The following ADARB2 variants were observed in gnomAD, a reference collection of about 807,000 sequenced individuals.
The protein encoded by ADARB2 is inactive double-stranded RNA-specific editase B2.
In ADARB2, 25 loss-of-function variants were observed where a neutral mutation model predicts 62.2. The ratio of observed to expected loss-of-function variants is 0.40; its 90% confidence interval spans 0.29 to 0.56. The LOEUF (loss-of-function observed/expected upper bound fraction) is 0.56, where lower values mean the gene tolerates loss of function less well. Among genes scored for constraint, ADARB2 ranks in the 20% least tolerant of loss-of-function variants. The probability of loss-of-function intolerance (pLI) is 0.43; values close to 1 mark genes in which losing one functional copy is unlikely to be tolerated. For missense variants in ADARB2, 1,071 were observed against 1,077.4 expected (o/e 0.99, Z 0.08); for synonymous variants, 572 against 500.8 (o/e 1.14, Z -1.90).
chr10:1,523,549 C>T lies in ADARB2; in HGVS notation c.101-144389G>A, dbSNP rs781494397. On this transcript the variant is annotated intron_variant, in intron 1 of 9. Coordinates refer to ENST00000381312, the MANE Select transcript of ADARB2 (RefSeq NM_018702.4). ...ACCTCGGTCTCATTCATCTCTATCA[C>T]GAGTTTCTGCATTTTGACCATGAGC... Among the ~76,000 whole-genome samples the T allele has an allele frequency of 4.6e-5, 7 of 152,334 alleles. 1 individual carries two copies. The highest frequency in any genetic ancestry group is 3.9e-4 in the East Asian group (2 of 5,188).
chr10:1,718,995 T>C (rs1049552905), intron 1 of ADARB2, among the ~76,000 whole-genome samples: 3 of 152,166 alleles, frequency 2.0e-5, no homozygotes. Context: ...TTGTTGTTGT[T>C]TTTTGAGACG....
At chr10:1,332,944 G>C (rs990884992) in intron 3 of ADARB2, among the ~76,000 whole-genome samples, 6 of 152,186 alleles carry the variant, frequency 3.9e-5, no homozygotes, top group African/African-American at 9.7e-5. Flanking sequence ...CAATCAATGG[G>C]AGAGACAACT....
intron 1 of ADARB2, among the ~76,000 whole-genome samples, chr10:1,554,091 C>T (rs1832667552): frequency 6.6e-6 from 1 of 152,164 alleles, no homozygotes; most frequent in South Asian, 2.1e-4. Context: ...GGGTCTGAGT[C>T]CCCCTGGGTC....
chr10:1,408,452 C>T (rs1832726176), intron 1 of ADARB2, among the ~76,000 whole-genome samples: 1 of 152,184 alleles, frequency 6.6e-6, no homozygotes, highest in African/African-American at 2.4e-5. Context: ...TCTTTCAGTT[C>T]ACACTCTTAG....
rs766903552 is a variant in ADARB2 at position 1,178,872 on chromosome 10, G to A, written c.*4321C>T. On this transcript the variant is annotated 3_prime_UTR_variant, in exon 10 of 10. Coordinates refer to ENST00000381312, the MANE Select transcript of ADARB2 (RefSeq NM_018702.4). ...CACCGGGTTCTGTTGGGTGTTATGA[G>A]AGGCGGCTGCAGCGATCCAACGGTA... 24 of 152,212 alleles carry A rather than the reference G, an allele frequency of 1.6e-4. No homozygotes were observed. Among genetic ancestry groups the A allele is most frequent in the Non-Finnish European group, 2.2e-4 (15 of 68,036 alleles). 9.4% of individuals were successfully genotyped at this position (152,212 alleles called of 1,614,324 possible). A position where few individuals can be genotyped will look rare whatever the true frequency, so the allele number is the denominator to read the frequency against.
chr10:1,286,776 T>A (rs940678332), intron 3 of ADARB2, among the ~76,000 whole-genome samples: 1 of 152,096 alleles, frequency 6.6e-6, no homozygotes, highest in African/African-American at 2.4e-5. Flanking sequence ...CCTGCACTCG[T>A]CTCTTCCGTA....
At chr10:1,734,004 T>C (rs990298981) in intron 1 of ADARB2, among the ~76,000 whole-genome samples, 2 of 103,382 alleles carry the variant, frequency 1.9e-5, no homozygotes, top group Non-Finnish European at 4.6e-5. Flanking sequence ...GTCCTTCTCA[T>C]AGTTTTTTTT....
intron 1 of ADARB2, among the ~76,000 whole-genome samples, chr10:1,618,208 C>T (rs1015237727): frequency 6.6e-6 from 1 of 152,166 alleles, no homozygotes; most frequent in Admixed American, 6.5e-5. Context: ...GAAGAGCAGG[C>T]TTGTTTATGA....
chr10:1,271,575 A>G (rs572115139), intron 3 of ADARB2, among the ~76,000 whole-genome samples: 42 of 152,298 alleles, frequency 2.8e-4, no homozygotes, highest in African/African-American at 1.0e-3. Context: ...GCACACATTC[A>G]CATGCAACAC....
chr10:1,437,337 G>T (rs1426802302), intron 1 of ADARB2, among the ~76,000 whole-genome samples: 1 of 152,002 alleles, frequency 6.6e-6, no homozygotes, highest in East Asian at 1.9e-4. Flanking sequence ...CGTAAAGTTA[G>T]TTGTAGCTTA....
chr10:1,390,817 C>A (rs921102558), intron 1 of ADARB2, among the ~76,000 whole-genome samples: 2 of 152,180 alleles, frequency 1.3e-5, no homozygotes, highest in Admixed American at 1.3e-4. Flanking sequence ...CAGTGAGGGG[C>A]AAACAAGAGC....
At chr10:1,655,890 C>A (rs970433055) in intron 1 of ADARB2, among the ~76,000 whole-genome samples, 4 of 152,162 alleles carry the variant, frequency 2.6e-5, no homozygotes, top group African/African-American at 2.4e-5. Flanking sequence ...TTCATGTTTA[C>A]ATTACAAAAG....
chr10:1,538,970 A>C (rs892615316), intron 1 of ADARB2, among the ~76,000 whole-genome samples: 1 of 152,186 alleles, frequency 6.6e-6, no homozygotes, highest in Admixed American at 6.5e-5. Flanking sequence ...TGCAGGCGTC[A>C]TTCTCACGAC....
intron 1 of ADARB2, among the ~76,000 whole-genome samples, chr10:1,641,986 C>T (rs942829437): frequency 2.6e-5 from 4 of 151,420 alleles, no homozygotes; most frequent in African/African-American, 9.7e-5. Flanking sequence ...GCACTCCAGC[C>T]TGGGCTACAG....
intron 4 of ADARB2, among the ~76,000 whole-genome samples, chr10:1,264,269 T>C (rs1831172114): frequency 6.6e-6 from 1 of 152,224 alleles, no homozygotes; most frequent in Admixed American, 6.5e-5. Flanking sequence ...CATGCCCGAC[T>C]GGATGCAAAT....
chr10:1,399,248 G>A (rs80101160), intron 1 of ADARB2, among the ~76,000 whole-genome samples: 3,330 of 152,168 alleles, frequency 0.022, 48 homozygotes, highest in South Asian at 0.059. Flanking sequence ...ATAGTTCATG[G>A]GTAACAAGGA....
chr10:1,260,098 C>G (rs182571820), intron 4 of ADARB2, among the ~76,000 whole-genome samples: 1 of 140,684 alleles, frequency 7.1e-6, no homozygotes, highest in Non-Finnish European at 1.6e-5. Flanking sequence ...CAAAATTAAA[C>G]AACCCTTCAT....
intron 1 of ADARB2, among the ~76,000 whole-genome samples, chr10:1,673,309 AT>A (rs1834416235): frequency 1.1e-5 from 1 of 93,588 alleles, no homozygotes; most frequent in Admixed American, 1.2e-4. Flanking sequence ...TGTAGATTTC[AT>A]TTTATGTGTG....
chr10:1,715,008 C>T (rs1035734892), intron 1 of ADARB2, among the ~76,000 whole-genome samples: 1 of 136,874 alleles, frequency 7.3e-6, no homozygotes, highest in Non-Finnish European at 1.6e-5. Context: ...CCCCCTCCCC[C>T]CACCCCACAA....
Sources: gnomAD v4.1 joint callset for allele counts (sites outside exome capture counted in the v4.1 genomes callset) on GRCh38, gnomAD v4.1.1 for gene constraint, MANE v1.5 for transcripts, NCBI Gene and HGNC (gene_info 2026-07-23, HGNC 2026-07-21) for gene names.